The following AP1S3 variants were observed in gnomAD, a reference collection of about 807,000 sequenced individuals.
AP1S3 encodes the protein AP-1 complex subunit sigma-3.
In AP1S3, 10 loss-of-function variants were observed where a neutral mutation model predicts 20.9. The observed-to-expected ratio is 0.48, with a 90% confidence interval of 0.29 to 0.81. The LOEUF (loss-of-function observed/expected upper bound fraction) is 0.81, where lower values mean the gene tolerates loss of function less well. Among genes scored for constraint, AP1S3 ranks in the 30% least tolerant of loss-of-function variants. AP1S3 has a pLI of 0.08. For missense variants in AP1S3, 154 were observed against 183.8 expected (o/e 0.84, Z 0.94); for synonymous variants, 41 against 61.5 (o/e 0.67, Z 1.56).
intron 1 of AP1S3, among the ~76,000 whole-genome samples, chr2:223,815,587 C>T (rs569735373): frequency 1.3e-5 from 2 of 152,308 alleles, no homozygotes; most frequent in South Asian, 4.1e-4. Context: ...CCCTGAAAAA[C>T]TAAGGTAATC....
intron 1 of AP1S3, among the ~76,000 whole-genome samples, chr2:223,785,797 T>C (rs1691058252): frequency 6.6e-6 from 1 of 151,836 alleles, no homozygotes; most frequent in African/African-American, 2.4e-5. Context: ...TTTAGGGGAG[T>C]GCAAATAGTC....
chr2:223,809,811 C>T (rs974145525), intron 1 of AP1S3, among the ~76,000 whole-genome samples: 3 of 151,298 alleles, frequency 2.0e-5, no homozygotes, highest in Non-Finnish European at 4.4e-5. Flanking sequence ...TCACTGTAAC[C>T]TCTGCCTCCC....
intron 4 of AP1S3, among the ~76,000 whole-genome samples, chr2:223,761,773 AGG>A (rs1690360826): frequency 6.6e-6 from 1 of 151,932 alleles, no homozygotes; most frequent in Non-Finnish European, 1.5e-5. Flanking sequence ...TATGTTGCCT[AGG>A]CTGATCTCAA....
rs748661983 is a variant in AP1S3, at chr2:223,817,607, CAAA to C, written c.3+19838_3+19840del. Among the ~76,000 whole-genome samples, 97 of 81,186 alleles carry C rather than the reference CAAA, an allele frequency of 1.2e-3. 2 individuals carry two copies. Among genetic ancestry groups the C allele is most frequent in the African/African-American group, 4.2e-3 (91 of 21,840 alleles). The allele number at this position is 81,186 out of a possible 152,430, so 53.3% of individuals were successfully genotyped here. ...TAGGTGACAGAGACAGACTCCGTCT[CAAA>C]AAAAAAAAAAAAAAGAAAAGAAAAC... On this transcript the variant is annotated intron_variant, in intron 1 of 4. Coordinates refer to ENST00000396654, the MANE Select transcript of AP1S3 (RefSeq NM_001039569.2).
chr2:223,771,861 C>A (rs775180682), intron 3 of AP1S3, among the ~76,000 whole-genome samples: 1 of 152,238 alleles, frequency 6.6e-6, no homozygotes, highest in African/African-American at 2.4e-5. Flanking sequence ...AATCCCAACA[C>A]TTTAGGAGGC....
chr2:223,768,590 C>A (rs896579628), intron 3 of AP1S3, among the ~76,000 whole-genome samples: 1 of 152,158 alleles, frequency 6.6e-6, no homozygotes, highest in Non-Finnish European at 1.5e-5. Context: ...CATGGTGGCT[C>A]ACGTCTGTAA....
chr2:223,806,719 AT>A (rs1296058817), intron 1 of AP1S3, among the ~76,000 whole-genome samples: 1 of 152,118 alleles, frequency 6.6e-6, no homozygotes, highest in African/African-American at 2.4e-5. Flanking sequence ...ATAAAAACAT[AT>A]ACCTGTGTGT....
At chr2:223,783,251 T>C (rs185190939) in intron 1 of AP1S3, among the ~76,000 whole-genome samples, 85 of 152,146 alleles carry the variant, frequency 5.6e-4, no homozygotes, top group Non-Finnish European at 1.1e-3. Flanking sequence ...TGGTGACTTC[T>C]TACACTTGGC....
At chr2:223,811,078 G>C (rs2106118422) in intron 1 of AP1S3, among the ~76,000 whole-genome samples, 1 of 147,284 alleles carries the variant, frequency 6.8e-6, no homozygotes, top group East Asian at 1.9e-4. Context: ...TGAAGTCTGA[G>C]AAATTTACCA....
At chr2:223,765,985 C>T (rs140916458) in intron 3 of AP1S3, among the ~76,000 whole-genome samples, 1 of 152,224 alleles carries the variant, frequency 6.6e-6, no homozygotes, top group East Asian at 1.9e-4. Context: ...GAATCCCTGG[C>T]GCGGATCAAA....
chr2:223,805,903 AAACC>A, intron 1 of AP1S3, among the ~76,000 whole-genome samples: 1 of 152,236 alleles, frequency 6.6e-6, no homozygotes, highest in Non-Finnish European at 1.5e-5. Flanking sequence ...AGTATACCAG[AAACC>A]TCCATTCCTA....
chr2:223,819,092 G>A (rs1342921147), intron 1 of AP1S3, among the ~76,000 whole-genome samples: 4 of 152,110 alleles, frequency 2.6e-5, no homozygotes, highest in African/African-American at 4.8e-5. Context: ...GTGACTGAGG[G>A]TGCATGTGAA....
In AP1S3 at chr2:223,756,087, C is replaced by A; in HGVS notation, c.*2628G>T. 1.0e-6 allele frequency: 1 copy of A among 982,276 alleles called. No individual in the cohort carries two copies. Among genetic ancestry groups the A allele is most frequent in the Non-Finnish European group, 1.2e-6 (1 of 827,082 alleles). 60.8% of individuals were successfully genotyped at this position (982,276 alleles called of 1,614,324 possible). On this transcript the variant is annotated 3_prime_UTR_variant, in exon 5 of 5. Transcript: ENST00000396654. ...GGTGCAGCGGCTCATGCCTGTAATT[C>A]CAGCACTTTGGAAGGCCAAGGCGGG...
At chr2:223,774,372 TAATA>T (rs56121039) in intron 3 of AP1S3, among the ~76,000 whole-genome samples, 2,804 of 145,496 alleles carry the variant, frequency 0.019, 68 homozygotes, top group Admixed American at 0.07. Context: ...TCTCAATAAA[TAATA>T]AATAAATAAA....
chr2:223,773,663 A>C (rs902455182), intron 3 of AP1S3, among the ~76,000 whole-genome samples: 3 of 152,148 alleles, frequency 2.0e-5, no homozygotes, highest in Non-Finnish European at 2.9e-5. Context: ...CCTTATGAAA[A>C]GTGTTGCAAC....
chr2:223,765,159 C>CCCTCAT, intron 4 of AP1S3, 54 bp downstream of exon 4: 3 of 1,560,228 alleles, frequency 1.9e-6, no homozygotes, highest in Non-Finnish European at 1.7e-6. Flanking sequence ...ATTATTAACA[C>CCCTCAT]CATCATCATC....
chr2:223,828,601 G>A (rs1692188500), intron 1 of AP1S3, among the ~76,000 whole-genome samples: 1 of 152,118 alleles, frequency 6.6e-6, no homozygotes, highest in Non-Finnish European at 1.5e-5. Context: ...CTGTGTGATT[G>A]ATCCAAAATA....
At chr2:223,798,813 T>G (rs10209746) in intron 1 of AP1S3, among the ~76,000 whole-genome samples, 58,091 of 152,120 alleles carry the variant, frequency 0.38, 11,752 homozygotes, top group African/African-American at 0.48. Flanking sequence ...GGCTCATGCC[T>G]ATAATCCTAG....
At position 223,776,009 on chromosome 2, in the gene AP1S3, C is replaced by T. The variant is rs1690774823; in HGVS notation, c.183G>A (p.Arg61=). The change falls in exon 3 of 5, where the codon AGG becomes AGA. Residue 61 remains arginine (R), a splice_region_variant and synonymous_variant. Transcript: ENST00000396654. ...DWKELKLVYK[R]YASLYFCCAI... The stretch of plus-strand genomic sequence containing the variant: ...CACAGCAAAAATATAAACTAGCATA[C>T]CTTGAAATGAAAAATAACAAAAGCA... 27 of 1,611,856 alleles carry T rather than the reference C, an allele frequency of 1.7e-5. No homozygotes were observed. Among genetic ancestry groups the T allele is most frequent in the Non-Finnish European group, 1.9e-5 (22 of 1,178,412 alleles).
Sources: gnomAD v4.1 joint callset for allele counts (sites outside exome capture counted in the v4.1 genomes callset) on GRCh38, gnomAD v4.1.1 for gene constraint, MANE v1.5 for transcripts, NCBI Gene and HGNC (gene_info 2026-07-23, HGNC 2026-07-21) for gene names.